The following SPIRE1 variants were observed in gnomAD, a reference collection of about 807,000 sequenced individuals.
SPIRE1 encodes protein spire homolog 1.
A neutral mutation model predicts 94.1 loss-of-function variants in SPIRE1; 40 were observed. The ratio of observed to expected loss-of-function variants is 0.43; its 90% CI spans 0.33 to 0.55. SPIRE1 has a LOEUF of 0.55. Among genes scored for constraint, SPIRE1 ranks in the 20% least tolerant of loss-of-function variants. The probability of loss-of-function intolerance (pLI) is 0.06; values close to 1 mark genes in which losing one functional copy is unlikely to be tolerated. For missense variants in SPIRE1, 838 were observed against 975.2 expected (o/e 0.86, Z 1.87); for synonymous variants, 376 against 371.7 (o/e 1.01, Z -0.13).
chr18:12,614,776 C>T (rs2037238399), intron 2 of SPIRE1, among the ~76,000 whole-genome samples: 1 of 152,014 alleles, frequency 6.6e-6, no homozygotes, highest in Non-Finnish European at 1.5e-5. Context: ...TGAGATCGCG[C>T]CACTGCACTC....
intron 4 of SPIRE1, among the ~76,000 whole-genome samples, chr18:12,533,932 T>TACACACACACACACACAC (rs10658152): frequency 1.5e-4 from 22 of 144,420 alleles, no homozygotes; most frequent in African/African-American, 5.2e-4. Flanking sequence ...GCTAATCCAT[T>TACACACACACACACACAC]ACACACACAC....
intron 2 of SPIRE1, among the ~76,000 whole-genome samples, chr18:12,564,956 G>T (rs1019673989): frequency 2.0e-5 from 3 of 152,020 alleles, no homozygotes; most frequent in Admixed American, 6.5e-5. Flanking sequence ...TAAATTATGT[G>T]TAATAGGAAT....
At chr18:12,658,133 CT>C, upstream of SPIRE1, 1 of 962,858 alleles carries the variant, frequency 1.0e-6, no homozygotes. Context: ...CCCGCCCCGC[CT>C]CGCGCCGTCC....
At chr18:12,625,480 C>T (rs2037594939) in intron 2 of SPIRE1, among the ~76,000 whole-genome samples, 1 of 152,172 alleles carries the variant, frequency 6.6e-6, no homozygotes, top group Non-Finnish European at 1.5e-5. Context: ...ATTCCATTTA[C>T]AAACCCATAA....
chr18:12,537,413 T>C (rs1396111168), intron 3 of SPIRE1, among the ~76,000 whole-genome samples: 1 of 152,200 alleles, frequency 6.6e-6, no homozygotes, highest in African/African-American at 2.4e-5. Flanking sequence ...AAGAAATAAA[T>C]TTATATATAT....
At chr18:12,597,838 G>A (rs578111044) in intron 2 of SPIRE1, among the ~76,000 whole-genome samples, 4 of 152,294 alleles carry the variant, frequency 2.6e-5, no homozygotes, top group Admixed American at 2.6e-4. Context: ...AAATGGCACA[G>A]ATGCCCACAT....
chr18:12,618,247 A>G (rs995596269), intron 2 of SPIRE1, among the ~76,000 whole-genome samples: 2 of 151,240 alleles, frequency 1.3e-5, no homozygotes, highest in Admixed American at 6.6e-5. Flanking sequence ...GACTACAGGC[A>G]CCTGCCACTA....
At chr18:12,462,090 C>T (rs538288310) in intron 12 of SPIRE1, among the ~76,000 whole-genome samples, 4 of 152,274 alleles carry the variant, frequency 2.6e-5, no homozygotes, top group East Asian at 1.9e-4. Flanking sequence ...TATATTTAAT[C>T]GAATAGCTGT....
intron 2 of SPIRE1, among the ~76,000 whole-genome samples, chr18:12,573,637 C>G (rs1248606452): frequency 6.6e-6 from 1 of 152,130 alleles, no homozygotes; most frequent in African/African-American, 2.4e-5. Flanking sequence ...AATGAGCTAT[C>G]TATATAACAG....
intron 2 of SPIRE1, among the ~76,000 whole-genome samples, chr18:12,569,223 T>G (rs1044657192): frequency 9.2e-5 from 14 of 151,852 alleles, no homozygotes; most frequent in South Asian, 4.2e-4. Context: ...GGCACCTGTA[T>G]TCCCAGCTAC....
chr18:12,449,396 AAAGT>A lies in SPIRE1; in HGVS notation c.*238_*241del. On this transcript the variant is annotated 3_prime_UTR_variant, in exon 17 of 17. Coordinates refer to ENST00000409402, the MANE Select transcript of SPIRE1 (RefSeq NM_001128626.2). Reference sequence around the variant, plus strand: ...TGGCTTCCAAAGCCACACACACACAAAAGTAAGTTTCAAACTGTTGTCCTCTCTC... The same window carrying A: ...TGGCTTCCAAAGCCACACACACACAAAAGTTTCAAACTGTTGTCCTCTCTC... The A allele has an allele frequency of 3.8e-6, 2 of 523,708 alleles. No homozygotes were observed. Among genetic ancestry groups the A allele is most frequent in the Non-Finnish European group, 6.8e-6 (2 of 293,956 alleles). 32.4% of individuals were successfully genotyped at this position (523,708 alleles called of 1,614,324 possible).
chr18:12,660,920 T>C (rs1431313751), upstream of SPIRE1, among the ~76,000 whole-genome samples: 1 of 152,230 alleles, frequency 6.6e-6, no homozygotes, highest in Non-Finnish European at 1.5e-5. Context: ...CTAGCTGTCT[T>C]CTAAGTGTAG....
chr18:12,465,087 C>G (rs1402976389), intron 10 of SPIRE1, 129 bp from the exon 11 acceptor site: 1 of 744,202 alleles, frequency 1.3e-6, no homozygotes, highest in Non-Finnish European at 2.2e-6. Context: ...TCAAGGCAAG[C>G]AAAAGACAAA....
chr18:12,626,867 A>AATATATATATATATATATATATAT (rs1555634098), intron 2 of SPIRE1, among the ~76,000 whole-genome samples: 3 of 110,478 alleles, frequency 2.7e-5, no homozygotes, highest in Non-Finnish European at 3.6e-5. Flanking sequence ...TAAGCTGTAA[A>AATATATATATATATATATATATAT]ATATATATAT....
At chr18:12,637,216 G>A (rs962145276) in intron 1 of SPIRE1, among the ~76,000 whole-genome samples, 3 of 152,130 alleles carry the variant, frequency 2.0e-5, no homozygotes, top group East Asian at 3.9e-4. Context: ...AACATTAGCC[G>A]GGTGTGGTGG....
At chr18:12,518,421 T>C (rs2034261654) in intron 4 of SPIRE1, among the ~76,000 whole-genome samples, 1 of 151,500 alleles carries the variant, frequency 6.6e-6, no homozygotes, top group African/African-American at 2.4e-5. Context: ...TGAACCTGGG[T>C]GTTGGAAGTG....
chr18:12,479,026 C>A (rs1490251657), intron 10 of SPIRE1, among the ~76,000 whole-genome samples: 2 of 151,760 alleles, frequency 1.3e-5, no homozygotes, highest in Non-Finnish European at 2.9e-5. Flanking sequence ...AAATGTTTTT[C>A]TTAACTTTAT....
At chr18:12,460,156 G>A (rs912906160) in intron 12 of SPIRE1, among the ~76,000 whole-genome samples, 3 of 152,182 alleles carry the variant, frequency 2.0e-5, no homozygotes, top group African/African-American at 7.2e-5. Context: ...ACACAGCAAG[G>A]ATTTTTCTAA....
intron 1 of SPIRE1, among the ~76,000 whole-genome samples, chr18:12,646,512 A>G (rs1443261589): frequency 1.3e-5 from 2 of 152,122 alleles, no homozygotes; most frequent in African/African-American, 4.8e-5. Flanking sequence ...AATATCGCTA[A>G]CATGGTATTT....
Sources: allele counts gnomAD v4.1 joint callset (sites outside exome capture counted in the v4.1 genomes callset), GRCh38; gene constraint gnomAD v4.1.1; transcripts MANE v1.5; gene names NCBI Gene and HGNC (gene_info 2026-07-23, HGNC 2026-07-21).